Variants in PDE4D observed in about 807,000 individuals in gnomAD.
PDE4D encodes the protein phosphodiesterase 4D, also known as 3',5'-cyclic-AMP phosphodiesterase 4D.
Under a neutral mutation model 87.4 loss-of-function variants are expected in PDE4D, and 24 were observed. The ratio of observed to expected loss-of-function variants is 0.27; its 90% CI spans 0.20 to 0.39. The LOEUF is 0.39. Ranked by LOEUF, PDE4D falls within the 10% of genes least tolerant of loss-of-function variation. The pLI, the probability that PDE4D is intolerant of heterozygous loss-of-function variation, is 1.00. For synonymous variants in PDE4D, 384 were observed against 383.2 expected (o/e 1.00, Z -0.02); for missense variants, 714 against 1,041.0 (o/e 0.69, Z 4.32).
intron 3 of PDE4D, among the ~76,000 whole-genome samples, chr5:59,903,340 T>C (rs756072963): frequency 6.6e-6 from 1 of 151,778 alleles, no homozygotes; most frequent in Non-Finnish European, 1.5e-5. Context: ...AAATAGAAGA[T>C]GGGGAGTGAC....
chr5:59,378,545 T>C (rs1008196841), intron 1 of PDE4D, among the ~76,000 whole-genome samples: 4 of 152,198 alleles, frequency 2.6e-5, no homozygotes, highest in Admixed American at 6.5e-5. Flanking sequence ...GAAAAATACA[T>C]AGTGAATTAA....
At chr5:59,802,175 A>G (rs1358286213) in intron 1 of PDE4D, among the ~76,000 whole-genome samples, 1 of 152,110 alleles carries the variant, frequency 6.6e-6, no homozygotes, top group African/African-American at 2.4e-5. Flanking sequence ...CACAGCCCAC[A>G]TCAATTAGAA....
intron 1 of PDE4D, among the ~76,000 whole-genome samples, chr5:60,452,186 G>T (rs773681601): frequency 6.6e-6 from 1 of 152,054 alleles, no homozygotes; most frequent in Non-Finnish European, 1.5e-5. Context: ...CTGGAATTTT[G>T]TAAATCTCTG....
At chr5:58,985,769 T>C (rs1196536736) in intron 11 of PDE4D, among the ~76,000 whole-genome samples, 10 of 152,162 alleles carry the variant, frequency 6.6e-5, no homozygotes, top group Non-Finnish European at 1.3e-4. Flanking sequence ...AGTCAAATTT[T>C]AAAAAAGGTT....
At chr5:60,269,042 A>G (rs1415190949) in intron 1 of PDE4D, among the ~76,000 whole-genome samples, 3 of 152,174 alleles carry the variant, frequency 2.0e-5, no homozygotes, top group Non-Finnish European at 4.4e-5. Flanking sequence ...GGTGGCTCAC[A>G]CCTGTAATTC....
intron 5 of PDE4D, 149 bp from the exon 6 acceptor site, chr5:59,039,120 G>A: frequency 5.8e-6 from 8 of 1,384,458 alleles, no homozygotes; most frequent in Non-Finnish European, 7.5e-6. Context: ...TGCCCAGCCC[G>A]GCAGTGCAAC....
chr5:59,615,068 G>A lies in PDE4D; in HGVS notation c.455+278100C>T, dbSNP rs188326715. 2.2e-3 allele frequency among the ~76,000 whole-genome samples: 339 copies of A among 152,216 alleles called. 1 individual carries two copies. The highest frequency in any genetic ancestry group is 2.5e-3 in the Non-Finnish European group (171 of 68,018). The stretch of plus-strand genomic sequence containing the variant: ...TGGTCTCAAACTCTTGAGCTCAAGC[G>A]ATCTGCAGGCCTCGACCTCCCAAAC... On this transcript the variant is annotated intron_variant, in intron 1 of 14. Transcript: ENST00000340635.
In PDE4D at chr5:59,632,437, C is replaced by A. The variant is rs538418277; in HGVS notation, c.455+260731G>T. On this transcript the variant is annotated intron_variant, in intron 1 of 14. Coordinates refer to ENST00000340635, the MANE Select transcript of PDE4D (RefSeq NM_001104631.2). ...CTCAAGTTGGCCCCTGACCCCTGTG[C>A]CTCCCGATAGGGAGATACTCCCAGC... 2.6e-5 allele frequency among the ~76,000 whole-genome samples: 4 copies of A among 152,322 alleles called. No individual in the cohort carries two copies. The East Asian group carries it at 7.7e-4, about 29-fold the overall frequency.
At chr5:60,070,225 G>C (rs1460653194) in intron 2 of PDE4D, among the ~76,000 whole-genome samples, 1 of 152,090 alleles carries the variant, frequency 6.6e-6, no homozygotes, top group African/African-American at 2.4e-5. Context: ...CTGCTGAATA[G>C]AAGCAGTGAA....
chr5:59,429,036 G>A (rs1468128596), intron 1 of PDE4D, among the ~76,000 whole-genome samples: 1 of 152,076 alleles, frequency 6.6e-6, no homozygotes, highest in African/African-American at 2.4e-5. Context: ...AATTTTCTGG[G>A]TCTATGCATA....
intron 1 of PDE4D, among the ~76,000 whole-genome samples, chr5:59,539,026 G>A (rs1870077): frequency 0.17 from 26,200 of 152,100 alleles, 2,957 homozygotes; most frequent in Non-Finnish European, 0.25. Context: ...TAAAATCAAG[G>A]ATGACTGCTT....
At chr5:59,359,886 C>T (rs1781935795) in intron 1 of PDE4D, among the ~76,000 whole-genome samples, 1 of 152,138 alleles carries the variant, frequency 6.6e-6, no homozygotes, top group African/African-American at 2.4e-5. Context: ...CTAGGGAAAA[C>T]CAGATTCGGA....
Position 59,979,858 on chromosome 5 carries a change from C to A in PDE4D, c.272+8630G>T, listed in dbSNP as rs188287476. 1.0e-3 allele frequency among the ~76,000 whole-genome samples: 155 copies of A among 151,844 alleles called. 2 individuals carry two copies. The highest frequency in any genetic ancestry group is 3.2e-4 in the Non-Finnish European group (22 of 67,952). On this transcript the variant is annotated intron_variant, in intron 3 of 16. Transcript: ENST00000502484. ...TTTGGTTGGGGGGAAGTGTGTTTAA[C>A]CCAAGAAGTGATATATTTTTTCTAT...
chr5:59,420,700 A>C (rs1383042368), intron 1 of PDE4D, among the ~76,000 whole-genome samples: 1 of 151,964 alleles, frequency 6.6e-6, no homozygotes, highest in African/African-American at 2.4e-5. Flanking sequence ...AAAAAAAAAA[A>C]AAAAAACAAG....
At chr5:59,200,371 C>A (rs1202767159) in intron 2 of PDE4D, among the ~76,000 whole-genome samples, 65 of 57,852 alleles carry the variant, frequency 1.1e-3, no homozygotes, top group South Asian at 1.6e-3. Context: ...GTATGTACAG[C>A]TACACGTATA....
chr5:59,945,676 T>C (rs768885345), intron 3 of PDE4D, among the ~76,000 whole-genome samples: 1 of 152,218 alleles, frequency 6.6e-6, no homozygotes, highest in Non-Finnish European at 1.5e-5. Context: ...GTTAGAGACC[T>C]TGATAAGACA....
chr5:59,972,810 A>T (rs1229129449), intron 3 of PDE4D, among the ~76,000 whole-genome samples: 1 of 152,172 alleles, frequency 6.6e-6, no homozygotes, highest in Non-Finnish European at 1.5e-5. Context: ...ACCTTGCAAG[A>T]TCAGGCTCCC....
At chr5:59,974,708 A>G (rs1761127541) in intron 3 of PDE4D, among the ~76,000 whole-genome samples, 1 of 152,218 alleles carries the variant, frequency 6.6e-6, no homozygotes, top group African/African-American at 2.4e-5. Flanking sequence ...ATGCTGTTTC[A>G]TAATCATATC....
chr5:60,048,698 C>T (rs554138923), intron 2 of PDE4D, among the ~76,000 whole-genome samples: 22 of 152,068 alleles, frequency 1.4e-4, no homozygotes, highest in South Asian at 6.3e-4. Flanking sequence ...TTGGCCCCCA[C>T]TCTCTTCTGG....
Sources: allele counts gnomAD v4.1 joint callset (sites outside exome capture counted in the v4.1 genomes callset), GRCh38; gene constraint gnomAD v4.1.1; transcripts MANE v1.5; gene names NCBI Gene and HGNC (gene_info 2026-07-23, HGNC 2026-07-21).